TP53BP1: variants seen among roughly 807,000 people sequenced by gnomAD.
TP53BP1 encodes the protein tumor protein p53 binding protein 1.
TP53BP1 carries 61 observed loss-of-function variants against 200.8 expected under a neutral mutation model. That is an observed-to-expected ratio of 0.30 (90% CI 0.25 to 0.38). The LOEUF (loss-of-function observed/expected upper bound fraction) is 0.38, where lower values mean the gene tolerates loss of function less well. Among genes scored for constraint, TP53BP1 ranks in the 10% least tolerant of loss-of-function variants. TP53BP1 has a pLI of 1.00. For missense variants in TP53BP1, 2,144 were observed against 2,371.9 expected, an observed-to-expected ratio of 0.90 and a Z score of 2.00; for synonymous variants, 822 against 844.3, an observed-to-expected ratio of 0.97 and a Z score of 0.46.
At chr15:43,497,125 C>T (rs1281025325), upstream of TP53BP1, among the ~76,000 whole-genome samples, 1 of 152,164 alleles carries the variant, frequency 6.6e-6, no homozygotes, top group African/African-American at 2.4e-5. Flanking sequence ...CAGCCAGGTG[C>T]GGTAGCTCAA....
At chr15:43,496,199 G>T (rs1229316081), upstream of TP53BP1, among the ~76,000 whole-genome samples, 1 of 152,122 alleles carries the variant, frequency 6.6e-6, no homozygotes, top group Non-Finnish European at 1.5e-5. Context: ...AAACCTCATT[G>T]TCAGAAATTT....
At chr15:43,413,511 C>T (rs1021831835) in intron 23 of TP53BP1, among the ~76,000 whole-genome samples, 177 bp from the exon 24 acceptor site, 3 of 152,186 alleles carry the variant, frequency 2.0e-5, no homozygotes, top group African/African-American at 7.2e-5. Flanking sequence ...AAATGGCCGA[C>T]AGCCTAGGAT....
Position 43,455,892 on chromosome 15 carries a change from C to T in TP53BP1, c.2716G>A (p.Glu906Lys). 1 of 1,613,802 alleles carries T rather than the reference C, an allele frequency of 6.2e-7. No individual in the cohort carries two copies. The highest frequency in any genetic ancestry group is 8.5e-7 in the Non-Finnish European group (1 of 1,179,934). The stretch of plus-strand genomic sequence containing the variant: ...AAGAATAATCTACAATCACACTCAC[C>T]ACTAGAACTTTCACAGAAGCTTTGT... ...ASQSFCESSS[E>K]TPFHFTLPKE... is the part of the protein sequence containing the mutation. Residue 906 changes from glutamate (E) to lysine (K), a missense_variant and splice_region_variant, in exon 12 of 28, where the codon GAA (glutamate) becomes AAA (lysine). Glu to Lys is a moderately conservative substitution (Grantham distance 56, BLOSUM62 1). Around this residue, in one of 4 missense-constraint regions of TP53BP1, gnomAD observed 1,700 missense variants for 1,710.3 expected, o/e 0.99. Transcript: ENST00000382044.
intron 4 of TP53BP1, among the ~76,000 whole-genome samples, chr15:43,483,401 T>C (rs762602454): frequency 1.2e-4 from 19 of 152,120 alleles, no homozygotes; most frequent in Admixed American, 5.2e-4. Flanking sequence ...TCAGCAAACA[T>C]ACACTTTTAC....
upstream of TP53BP1, among the ~76,000 whole-genome samples, chr15:43,495,533 A>ACACACAC (rs56809321): frequency 1.1e-4 from 16 of 143,246 alleles, no homozygotes; most frequent in Admixed American, 2.8e-4. Flanking sequence ...ACACACACAC[A>ACACACAC]AAAGCCAGGT....
rs1278069153 is a variant in TP53BP1, at chr15:43,470,024, TCTC to T, written c.1220_1222del (p.Gly407del). The T allele has an allele frequency of 9.9e-6, 16 of 1,613,338 alleles. No individual in the cohort carries two copies. The highest frequency in any genetic ancestry group is 1.4e-5 in the Non-Finnish European group (16 of 1,180,032). On this transcript the variant is annotated inframe_deletion, in exon 11 of 28. Transcript: ENST00000382044. ...ACTTTGAAGTTTCTTCTGAAAAGGCTCTCCTCCTTCTTCAGATAACACTGACGT... is the reference window on the plus strand; with the variant it reads ...ACTTTGAAGTTTCTTCTGAAAAGGCTCTCCTTCTTCAGATAACACTGACGT...
At chr15:43,428,255 T>C (rs2142996169) in intron 17 of TP53BP1, 87 bp from the exon 18 acceptor site, 3 of 1,187,252 alleles carry the variant, frequency 2.5e-6, no homozygotes, top group South Asian at 2.8e-5. Flanking sequence ...GAGAACTGTT[T>C]AGAGGCTCCA....
At chr15:43,431,712 C>A (rs1455595096) in intron 17 of TP53BP1, among the ~76,000 whole-genome samples, 1 of 152,218 alleles carries the variant, frequency 6.6e-6, no homozygotes, top group Non-Finnish European at 1.5e-5. Context: ...CCATCTCTCT[C>A]TCTATTCCTG....
At chr15:43,454,678 C>A (rs1330561720) in intron 12 of TP53BP1, among the ~76,000 whole-genome samples, 1 of 150,930 alleles carries the variant, frequency 6.6e-6, no homozygotes, top group Non-Finnish European at 1.5e-5. Context: ...TATACTAACT[C>A]TAAGGATTCA....
intron 7 of TP53BP1, among the ~76,000 whole-genome samples, chr15:43,478,871 G>A (rs2078920834): frequency 6.6e-6 from 1 of 152,150 alleles, no homozygotes; most frequent in Non-Finnish European, 1.5e-5. Flanking sequence ...AGGAGGAGTG[G>A]CAACCAAAGA....
intron 15 of TP53BP1, among the ~76,000 whole-genome samples, chr15:43,440,439 C>T (rs950007799): frequency 1.3e-5 from 2 of 149,978 alleles, no homozygotes; most frequent in Non-Finnish European, 3.0e-5. Context: ...GGTGTGGACC[C>T]GGGAGGCGGA....
chr15:43,473,480 CAG>C (rs1406897197), intron 10 of TP53BP1, among the ~76,000 whole-genome samples: 1 of 152,176 alleles, frequency 6.6e-6, no homozygotes, highest in South Asian at 2.1e-4. Flanking sequence ...TAGCTAGATA[CAG>C]AGTGTCCATT....
chr15:43,492,805 A>C (rs895826630), intron 1 of TP53BP1, among the ~76,000 whole-genome samples: 7 of 131,488 alleles, frequency 5.3e-5, no homozygotes, highest in Admixed American at 1.7e-4. Context: ...CTCCCCCCAA[A>C]AGAATGTTTT....
intron 12 of TP53BP1, among the ~76,000 whole-genome samples, chr15:43,448,609 G>A (rs932322657): frequency 2.0e-5 from 3 of 150,748 alleles, no homozygotes; most frequent in African/African-American, 4.9e-5. Flanking sequence ...GCTCGATCTC[G>A]GCTCACTGCC....
At chr15:43,441,160 G>A (rs1014160109) in intron 15 of TP53BP1, 3 of 172,866 alleles carry the variant, frequency 1.7e-5, no homozygotes, top group Admixed American at 1.2e-4. Flanking sequence ...GTATGCGATT[G>A]CAGAAGGAAC....
intron 26 of TP53BP1, 116 bp from the exon 27 acceptor site, chr15:43,408,204 A>G: frequency 2.8e-6 from 3 of 1,073,716 alleles, no homozygotes; most frequent in Non-Finnish European, 4.0e-6. Flanking sequence ...CCCATCAGAC[A>G]TAGTGTCTCA....
At chr15:43,483,941 T>A (rs950366619) in intron 4 of TP53BP1, among the ~76,000 whole-genome samples, 4 of 152,184 alleles carry the variant, frequency 2.6e-5, no homozygotes, top group Non-Finnish European at 4.4e-5. Context: ...TCATCCAGAC[T>A]CATGGTTTAG....
chr15:43,449,577 G>A (rs939455720), intron 12 of TP53BP1, among the ~76,000 whole-genome samples: 1 of 152,094 alleles, frequency 6.6e-6, no homozygotes, highest in African/African-American at 2.4e-5. Context: ...ACAGGCCCTA[G>A]GGACAGCACT....
intron 15 of TP53BP1, among the ~76,000 whole-genome samples, chr15:43,439,307 C>G (rs1174846709): frequency 6.6e-6 from 1 of 152,124 alleles, no homozygotes; most frequent in African/African-American, 2.4e-5. Flanking sequence ...GGAGGCCAAG[C>G]CAGGTGGATC....
Sources: allele counts gnomAD v4.1 joint callset (sites outside exome capture counted in the v4.1 genomes callset), GRCh38; gene constraint gnomAD v4.1.1; regional missense constraint gnomAD v4.1.1; transcripts MANE v1.5; gene names NCBI Gene and HGNC (gene_info 2026-07-23, HGNC 2026-07-21).